Variants in IL1RAPL2 observed in about 807,000 individuals in gnomAD.
The protein encoded by IL1RAPL2 is X-linked interleukin-1 receptor accessory protein-like 2.
In IL1RAPL2, 3 loss-of-function variants were observed where a neutral mutation model predicts 44.1. The observed-to-expected ratio is 0.07, with a 90% confidence interval of 0.03 to 0.18. The LOEUF (loss-of-function observed/expected upper bound fraction) is 0.18, where lower values mean the gene tolerates loss of function less well. IL1RAPL2 is among the 10% of genes least tolerant of loss of function. The pLI is 1.00. For missense variants in IL1RAPL2, 391 were observed against 496.4 expected (o/e 0.79, Z 2.02); for synonymous variants, 181 against 178.8 (o/e 1.01, Z -0.10).
chrX:104,736,831 T>G (rs892493848), intron 2 of IL1RAPL2, among the ~76,000 whole-genome samples: 2 of 112,252 alleles, frequency 1.8e-5, no homozygotes, highest in Non-Finnish European at 3.8e-5. Context: ...CCTGAAAATA[T>G]TTTTACTGTA....
intron 6 of IL1RAPL2, among the ~76,000 whole-genome samples, chrX:105,516,202 A>G (rs2036512612): frequency 8.9e-6 from 1 of 112,446 alleles, no homozygotes; most frequent in African/African-American, 3.2e-5. Flanking sequence ...TGTTTTCACC[A>G]GGTGCATATT....
chrX:104,567,208 TCTTC>T (rs1928053368), intron 1 of IL1RAPL2, among the ~76,000 whole-genome samples, 157 bp downstream of exon 1: 1 of 112,966 alleles, frequency 8.9e-6, no homozygotes, highest in African/African-American at 3.2e-5. Context: ...GTTGGCTTTC[TCTTC>T]CTTTAGCCTT....
intron 1 of IL1RAPL2, among the ~76,000 whole-genome samples, chrX:104,574,751 A>G (rs2147989789): frequency 8.9e-6 from 1 of 112,238 alleles, no homozygotes; most frequent in South Asian, 3.7e-4. Flanking sequence ...ATTGATATGG[A>G]AATATATCCA....
intron 2 of IL1RAPL2, among the ~76,000 whole-genome samples, chrX:105,064,967 T>C (rs1199797682): frequency 8.9e-6 from 1 of 112,233 alleles, no homozygotes; most frequent in African/African-American, 3.2e-5. Flanking sequence ...TCAGAGTGAA[T>C]GCAAATCTGT....
chrX:104,949,867 G>T (rs1925520137), intron 2 of IL1RAPL2, among the ~76,000 whole-genome samples: 2 of 111,237 alleles, frequency 1.8e-5, no homozygotes, highest in South Asian at 3.9e-4. Context: ...AATAGGTGTG[G>T]TGTGGTGCTG....
rs187051929 is a variant in IL1RAPL2, at chrX:104,594,823, G to A, written c.-20+27772G>A. ...TGTAAAAGGTTAAGGGACAGCATCAGGGGACAAAGGGACAGTAGGTGCAAA... is the reference window on the plus strand; with the variant it reads ...TGTAAAAGGTTAAGGGACAGCATCAAGGGACAAAGGGACAGTAGGTGCAAA... On this transcript the variant is annotated intron_variant, in intron 1 of 10. Transcript: ENST00000372582. Among the ~76,000 whole-genome samples, 3 of 111,319 alleles carry A rather than the reference G, an allele frequency of 2.7e-5. No homozygotes were observed. In the East Asian group the frequency reaches 8.5e-4, roughly 32 times the overall value.
At position 104,593,335 on chromosome X, in the gene IL1RAPL2, C is replaced by T. The variant is rs751767212; in HGVS notation, c.-20+26284C>T. 1.2e-4 allele frequency among the ~76,000 whole-genome samples: 13 copies of T among 111,544 alleles called. No homozygotes were observed. In the South Asian group the frequency reaches 4.9e-3, roughly 42 times the overall value. The stretch of plus-strand genomic sequence containing the variant: ...CATTTTCATCTTGCCTTCAAGGATC[C>T]AATGTAATGACTTAAAAAAATATTT... On this transcript the variant is annotated intron_variant, in intron 1 of 10. Coordinates refer to ENST00000372582, the MANE Select transcript of IL1RAPL2 (RefSeq NM_017416.2).
At chrX:104,797,786 T>C (rs1390946655) in intron 2 of IL1RAPL2, among the ~76,000 whole-genome samples, 4 of 112,250 alleles carry the variant, frequency 3.6e-5, no homozygotes, top group Non-Finnish European at 3.8e-5. Context: ...AAGACAAAGA[T>C]AGAATCAGGG....
At chrX:104,982,217 A>G (rs752511906) in intron 2 of IL1RAPL2, among the ~76,000 whole-genome samples, 1 of 110,862 alleles carries the variant, frequency 9.0e-6, no homozygotes, top group East Asian at 2.8e-4. Flanking sequence ...TTTCTTTGGC[A>G]TATGTGATCA....
intron 2 of IL1RAPL2, among the ~76,000 whole-genome samples, chrX:105,063,876 T>G (rs1276650336): frequency 1.8e-5 from 2 of 111,922 alleles, no homozygotes; most frequent in African/African-American, 6.5e-5. Context: ...CCTTGTTTTC[T>G]TCCCTTACTT....
intron 6 of IL1RAPL2, among the ~76,000 whole-genome samples, chrX:105,561,358 A>T (rs2036935897): frequency 9.0e-6 from 1 of 111,235 alleles, no homozygotes; most frequent in Non-Finnish European, 1.9e-5. Context: ...AGAAATCTTT[A>T]AAAAAAAATT....
intron 1 of IL1RAPL2, among the ~76,000 whole-genome samples, chrX:104,638,323 G>T (rs962054746): frequency 9.1e-6 from 1 of 109,782 alleles, no homozygotes; most frequent in Non-Finnish European, 1.9e-5. Flanking sequence ...TCATTCTATT[G>T]GTCCTGTATC....
chrX:104,582,692 T>TTCTC (rs201958180), intron 1 of IL1RAPL2, among the ~76,000 whole-genome samples: 23 of 98,355 alleles, frequency 2.3e-4, no homozygotes, highest in African/African-American at 6.8e-4. Flanking sequence ...CTTTCTTTCT[T>TTCTC]TCTCTCTCTC....
At chrX:105,238,078 A>G (rs1308668782) in intron 4 of IL1RAPL2, among the ~76,000 whole-genome samples, 1 of 112,391 alleles carries the variant, frequency 8.9e-6, no homozygotes, top group Non-Finnish European at 1.9e-5. Context: ...AAGAATATTT[A>G]TGGACAGAAA....
At chrX:105,236,679 C>T (rs1465151344) in intron 4 of IL1RAPL2, among the ~76,000 whole-genome samples, 1 of 111,253 alleles carries the variant, frequency 9.0e-6, no homozygotes, top group Non-Finnish European at 1.9e-5. Flanking sequence ...ACCTGAAGCT[C>T]AGGAATGTAT....
chrX:105,695,230 A>T (rs1324773232), intron 6 of IL1RAPL2, among the ~76,000 whole-genome samples: 1 of 112,182 alleles, frequency 8.9e-6, no homozygotes, highest in African/African-American at 3.2e-5. Context: ...ATCATTGTAG[A>T]CAAGGACTGT....
At chrX:105,542,693 T>TTATTTATTTATTTATG (rs1364284428) in intron 6 of IL1RAPL2, among the ~76,000 whole-genome samples, 1 of 79,486 alleles carries the variant, frequency 1.3e-5, no homozygotes, top group African/African-American at 4.7e-5. Flanking sequence ...TTTATATTTT[T>TTATTTATTTATTTATG]TATTTATTTA....
chrX:104,951,102 C>T (rs770215561), intron 2 of IL1RAPL2, among the ~76,000 whole-genome samples: 4 of 112,046 alleles, frequency 3.6e-5, no homozygotes, highest in East Asian at 2.8e-4. Flanking sequence ...GAGATGAACC[C>T]GGGACCTCAG....
intron 10 of IL1RAPL2, among the ~76,000 whole-genome samples, chrX:105,763,756 C>T (rs939712995): frequency 4.5e-5 from 5 of 110,848 alleles, no homozygotes; most frequent in African/African-American, 1.6e-4. Context: ...CTCTTAGAGG[C>T]ACCTCCCCAG....
Sources: gnomAD v4.1 joint callset for allele counts (sites outside exome capture counted in the v4.1 genomes callset) on GRCh38, gnomAD v4.1.1 for gene constraint, MANE v1.5 for transcripts, NCBI Gene and HGNC (gene_info 2026-07-23, HGNC 2026-07-21) for gene names.